SRGAP1: variants seen among roughly 807,000 people sequenced by gnomAD.
The protein encoded by SRGAP1 is SLIT-ROBO Rho GTPase activating protein 1, also known as SLIT-ROBO Rho GTPase-activating protein 1.
SRGAP1 carries 43 observed loss-of-function variants against 121.9 expected under a neutral mutation model. That is an observed-to-expected ratio of 0.35 (90% CI 0.28 to 0.46). The LOEUF is 0.46. Among genes scored for constraint, SRGAP1 ranks in the 20% least tolerant of loss-of-function variants. The pLI is 1.00. For missense variants in SRGAP1, 1,102 were observed against 1,350.9 expected (o/e 0.82, Z 2.89); for synonymous variants, 447 against 485.4 (o/e 0.92, Z 1.04).
At chr12:64,048,331 C>A (rs2035174687) in intron 6 of SRGAP1, among the ~76,000 whole-genome samples, 1 of 152,136 alleles carries the variant, frequency 6.6e-6, no homozygotes, top group Non-Finnish European at 1.5e-5. Context: ...ATGACAGGAT[C>A]TCGTTCTTTT....
chr12:64,010,852 C>T (rs2034232297), intron 3 of SRGAP1, among the ~76,000 whole-genome samples: 1 of 151,562 alleles, frequency 6.6e-6, no homozygotes, highest in African/African-American at 2.4e-5. Context: ...AGTTTGAACA[C>T]AGGCACTTCA....
Position 64,079,047 on chromosome 12 carries a change from C to T in SRGAP1, c.1254C>T (p.Thr418=). Residue 418 remains threonine (T), a synonymous_variant, in exon 9 of 22, where the codon ACC becomes ACT. Transcript: ENST00000355086. ...TESVKSTVSE[T]YLSKPSIAKR... ...CAGTGAAGTCCACTGTCTCTGAAAC[C>T]TACCTGAGTAAACCCAGCATCGCCA... 6.2e-7 allele frequency: 1 copy of T among 1,614,122 alleles called. No homozygotes were observed. The highest frequency in any genetic ancestry group is 8.5e-7 in the Non-Finnish European group (1 of 1,180,002).
chr12:64,054,784 T>G (rs1379947024), intron 6 of SRGAP1, among the ~76,000 whole-genome samples: 1 of 151,970 alleles, frequency 6.6e-6, no homozygotes, highest in African/African-American at 2.4e-5. Context: ...ATGTGCACAT[T>G]GTGCAGGTTA....
Position 64,043,444 on chromosome 12 carries a change from C to T in SRGAP1, c.673-3C>T, listed in dbSNP as rs749742244. 1.2e-5 allele frequency: 19 copies of T among 1,608,654 alleles called. No homozygotes were observed. The South Asian group carries it at 1.6e-4, about 13-fold the overall frequency. On this transcript the variant is annotated splice_polypyrimidine_tract_variant and splice_region_variant and intron_variant, in intron 5 of 21. Coordinates refer to ENST00000355086, the MANE Select transcript of SRGAP1 (RefSeq NM_020762.4). ...CCCAATGCCTGGATCTTCTTCATTC[C>T]AGAGACAAGCAAAATATTCAGAAAA...
chr12:64,062,818 A>C, intron 6 of SRGAP1, 99 bp from the exon 7 acceptor site: 1 of 815,304 alleles, frequency 1.2e-6, no homozygotes, highest in East Asian at 2.7e-5. Context: ...GCTTACCCCC[A>C]TGTTTCCTTC....
intron 1 of SRGAP1, among the ~76,000 whole-genome samples, chr12:63,972,270 T>C (rs1173607455): frequency 6.6e-6 from 1 of 152,244 alleles, no homozygotes; most frequent in African/African-American, 2.4e-5. Flanking sequence ...TGTTTTAGAT[T>C]AAGGTATTCT....
chr12:63,922,755 G>A (rs952156416), intron 1 of SRGAP1, among the ~76,000 whole-genome samples: 3 of 152,228 alleles, frequency 2.0e-5, no homozygotes, highest in African/African-American at 7.2e-5. Flanking sequence ...CCAATGAACT[G>A]TAAGCTCTTT....
chr12:64,010,201 A>G (rs1407319705), intron 3 of SRGAP1, among the ~76,000 whole-genome samples: 1 of 152,082 alleles, frequency 6.6e-6, no homozygotes, highest in East Asian at 1.9e-4. Context: ...TCCCGCGGTG[A>G]CTCAGCATAC....
chr12:63,895,139 G>A (rs1900714006), intron 1 of SRGAP1, among the ~76,000 whole-genome samples: 1 of 152,158 alleles, frequency 6.6e-6, no homozygotes, highest in Non-Finnish European at 1.5e-5. Context: ...TCCAGCACCT[G>A]TTGTTTCCTG....
chr12:64,063,409 C>T (rs1029500274), intron 7 of SRGAP1, among the ~76,000 whole-genome samples: 1 of 152,080 alleles, frequency 6.6e-6, no homozygotes, highest in African/African-American at 2.4e-5. Context: ...CACCTCAAGA[C>T]ATTTTAATTT....
intron 8 of SRGAP1, among the ~76,000 whole-genome samples, chr12:64,076,480 G>A (rs2035740326): frequency 6.6e-6 from 1 of 152,084 alleles, no homozygotes; most frequent in Non-Finnish European, 1.5e-5. Context: ...CAGTGGGTGA[G>A]TTTAACATCA....
intron 18 of SRGAP1, among the ~76,000 whole-genome samples, chr12:64,120,683 G>T (rs1018371090): frequency 1.3e-5 from 2 of 152,056 alleles, no homozygotes; most frequent in Admixed American, 6.6e-5. Flanking sequence ...GGGAGGAGGG[G>T]AAGAGGCTTA....
At chr12:64,081,810 TAC>T (rs1408968865) in intron 10 of SRGAP1, 1 of 151,088 alleles carries the variant, frequency 6.6e-6, no homozygotes, top group Admixed American at 6.6e-5. Flanking sequence ...AGAAAGAAGG[TAC>T]AGTCAATGTG....
intron 1 of SRGAP1, among the ~76,000 whole-genome samples, chr12:63,876,318 C>G (rs1252602391): frequency 6.6e-6 from 1 of 152,052 alleles, no homozygotes; most frequent in Non-Finnish European, 1.5e-5. Context: ...ATTGAAATAT[C>G]ATAGGATAGA....
chr12:64,150,934 C>CAAAAAAAAAAAAAAAAAAAAAAA lies in SRGAP1; in HGVS notation c.*8266_*8288dup, dbSNP rs750351170. On this transcript the variant is annotated 3_prime_UTR_variant, in exon 22 of 22. Transcript: ENST00000355086. Reference sequence around the variant, plus strand: ...TGGGTGGAAGAGTGAGAAGCTATCTCAAAAAAAAAAAAAAAAAAAAAAAAA... The same window carrying CAAAAAAAAAAAAAAAAAAAAAAA: ...TGGGTGGAAGAGTGAGAAGCTATCTCAAAAAAAAAAAAAAAAAAAAAAAAAAAAAAAAAAAAAAAAAAAAAAAA... 17 of 24,718 alleles carry CAAAAAAAAAAAAAAAAAAAAAAA rather than the reference C, an allele frequency of 6.9e-4. 6 individuals are homozygous for CAAAAAAAAAAAAAAAAAAAAAAA. The highest frequency in any genetic ancestry group is 1.7e-3 in the Non-Finnish European group (16 of 9,648). The allele number at this position is 24,718 out of a possible 1,614,324, so 1.5% of individuals were successfully genotyped here.
intron 1 of SRGAP1, chr12:63,983,325 C>G (rs1461182948): frequency 6.6e-6 from 1 of 152,122 alleles, no homozygotes; most frequent in Non-Finnish European, 1.5e-5. Flanking sequence ...TGCAGTGTTT[C>G]CAGCTACCCA....
chr12:63,942,789 C>T (rs1036719019), intron 1 of SRGAP1, among the ~76,000 whole-genome samples: 12 of 152,188 alleles, frequency 7.9e-5, no homozygotes, highest in Non-Finnish European at 1.3e-4. Context: ...CCAGCGCAGA[C>T]GCTTTCTTTT....
At chr12:63,954,479 C>T (rs1043737345) in intron 1 of SRGAP1, among the ~76,000 whole-genome samples, 24 of 151,906 alleles carry the variant, frequency 1.6e-4, no homozygotes, top group Non-Finnish European at 5.9e-5. Flanking sequence ...GAGATCGAGA[C>T]CATCCTGGCT....
chr12:64,135,590 G>C (rs535455543), intron 21 of SRGAP1, among the ~76,000 whole-genome samples: 1 of 152,080 alleles, frequency 6.6e-6, no homozygotes, highest in African/African-American at 2.4e-5. Flanking sequence ...TCTCACGAGC[G>C]ATGAATCAGG....
Sources: allele counts gnomAD v4.1 joint callset (sites outside exome capture counted in the v4.1 genomes callset), GRCh38; gene constraint gnomAD v4.1.1; transcripts MANE v1.5; gene names NCBI Gene and HGNC (gene_info 2026-07-23, HGNC 2026-07-21).